Variants in RELN observed in about 807,000 individuals in gnomAD.
RELN encodes reelin.
Under a neutral mutation model 427.6 loss-of-function variants are expected in RELN, and 108 were observed. That is an observed-to-expected ratio of 0.25 (90% CI 0.22 to 0.30). The LOEUF (loss-of-function observed/expected upper bound fraction) is 0.30. RELN is among the 10% of genes least tolerant of loss of function. RELN has a pLI of 1.00. For synonymous variants in RELN, 1,524 were observed against 1,513.4 expected, an observed-to-expected ratio of 1.01 and a Z score of -0.16; for missense variants, 3,715 against 4,302.8, an observed-to-expected ratio of 0.86 and a Z score of 3.82.
At chr7:103,685,252 C>A (rs1562956215) in intron 10 of RELN, among the ~76,000 whole-genome samples, 1 of 152,106 alleles carries the variant, frequency 6.6e-6, no homozygotes, top group Non-Finnish European at 1.5e-5. Context: ...TAATACCCAG[C>A]TATTTTTGTT....
intron 22 of RELN, among the ~76,000 whole-genome samples, chr7:103,604,985 A>G (rs1383766041): frequency 6.6e-6 from 1 of 152,094 alleles, no homozygotes. Context: ...ACACACCAAC[A>G]TGCCTGGCTA....
chr7:103,746,432 T>C (rs1367244351), intron 6 of RELN, among the ~76,000 whole-genome samples: 2 of 151,862 alleles, frequency 1.3e-5, no homozygotes, highest in East Asian at 3.9e-4. Flanking sequence ...CTAATTAAAC[T>C]AAAGAGCTTC....
intron 40 of RELN, 89 bp from the exon 41 acceptor site, chr7:103,551,385 T>G (rs1830407880): frequency 3.3e-6 from 3 of 919,712 alleles, no homozygotes; most frequent in Non-Finnish European, 5.2e-6. Context: ...TAGGGTCCAT[T>G]TTCCTGGGAA....
chr7:103,955,729 C>T (rs4727580), intron 1 of RELN, among the ~76,000 whole-genome samples: 84,596 of 152,040 alleles, frequency 0.56, 24,119 homozygotes, highest in African/African-American at 0.69. Context: ...TTTCTCTCCA[C>T]GAACCCAGAC....
intron 1 of RELN, among the ~76,000 whole-genome samples, chr7:103,920,363 A>G (rs910878608): frequency 2.6e-5 from 4 of 152,192 alleles, no homozygotes; most frequent in African/African-American, 9.7e-5. Flanking sequence ...ATATGTGTCT[A>G]ACTGATATCT....
At chr7:103,630,851 G>GTTTTTTTT (rs869145881) in intron 19 of RELN, among the ~76,000 whole-genome samples, 2 of 20,548 alleles carry the variant, frequency 9.7e-5, no homozygotes, top group Non-Finnish European at 2.2e-4. Flanking sequence ...TTATTTTTTT[G>GTTTTTTTT]TTTTTTTTGT....
chr7:103,483,671 A>G lies in RELN; in HGVS notation c.10163T>C (p.Val3388Ala). ...QPKDFTQAQR[V>A]SYNVPLEARM... ...CACTTACAGGGGGACATTGTAAGAC[A>G]CTCTCTGAGCTTGTGTGAAGTCCTT... The change falls in exon 62 of 65, where the codon GTG (valine) becomes GCG (alanine). Residue 3388 changes from valine (V) to alanine (A), a missense_variant. Physicochemically the swap from Val to Ala is moderately conservative, Grantham distance 64. Coordinates refer to ENST00000428762, the MANE Select transcript of RELN (RefSeq NM_005045.4). 6.2e-7 allele frequency: 1 copy of G among 1,614,012 alleles called. No individual in the cohort carries two copies. The highest frequency in any genetic ancestry group is 8.5e-7 in the Non-Finnish European group (1 of 1,179,998).
intron 1 of RELN, among the ~76,000 whole-genome samples, chr7:103,979,074 G>A (rs769751229): frequency 1.3e-5 from 2 of 152,186 alleles, no homozygotes; most frequent in Non-Finnish European, 2.9e-5. Flanking sequence ...AGTCGTTAAA[G>A]TCCAATGAGG....
Position 103,626,516 on chromosome 7 carries a change from A to G in RELN, c.2702+3424T>C, listed in dbSNP as rs968227299. 6.6e-6 allele frequency among the ~76,000 whole-genome samples: 1 copy of G among 152,140 alleles called. No homozygotes were observed. The highest frequency in any genetic ancestry group is 1.5e-5 in the Non-Finnish European group (1 of 67,952). On this transcript the variant is annotated intron_variant, in intron 20 of 64. Coordinates refer to ENST00000428762, the MANE Select transcript of RELN (RefSeq NM_005045.4). The surrounding 1 kb of genome is among the most constrained non-coding windows in gnomAD (Gnocchi z 4.4). ...CAGGCATGTGTCACCACGCTCGGCT[A>G]GTTTGTGTATTTTCAGTAGAGATGG...
rs1832194014 is a variant in RELN at position 103,620,528 on chromosome 7, C to G, written c.2703-8725G>C. Among the ~76,000 whole-genome samples the G allele has an allele frequency of 6.7e-6, 1 of 149,270 alleles. No individual in the cohort carries two copies. Among genetic ancestry groups the G allele is most frequent in the African/African-American group, 2.5e-5 (1 of 40,350 alleles). The stretch of plus-strand genomic sequence containing the variant: ...TCGTCTGTCGCCCAGGCTGGAGTAA[C>G]AGTGGCACGATCTTGGCTCACTGCA... On this transcript the variant is annotated intron_variant, in intron 20 of 64. Transcript: ENST00000428762. The surrounding 1 kb of genome is among the most constrained non-coding windows in gnomAD (Gnocchi z 4.1).
intron 1 of RELN, among the ~76,000 whole-genome samples, chr7:103,943,373 G>T (rs1796154619): frequency 6.6e-6 from 1 of 152,120 alleles, no homozygotes; most frequent in African/African-American, 2.4e-5. Context: ...GCTTTGTGCA[G>T]GAGATTTAAT....
chr7:103,674,734 A>G (rs1833475537), intron 11 of RELN, among the ~76,000 whole-genome samples: 1 of 152,216 alleles, frequency 6.6e-6, no homozygotes, highest in African/African-American at 2.4e-5. Flanking sequence ...GGTTCAACAC[A>G]TGCAAATCAA....
At chr7:103,489,204 GT>G in intron 60 of RELN, among the ~76,000 whole-genome samples, 1 of 56,954 alleles carries the variant, frequency 1.8e-5, no homozygotes, top group Admixed American at 1.5e-4. Context: ...TCATAAAGGG[GT>G]GTGTGTGTGT....
intron 2 of RELN, among the ~76,000 whole-genome samples, chr7:103,854,533 C>T (rs752530199): frequency 2.0e-5 from 3 of 152,100 alleles, no homozygotes; most frequent in Non-Finnish European, 4.4e-5. Context: ...GCTTTAGAGA[C>T]TTCATCAGGT....
At chr7:103,806,966 C>G (rs935997955) in intron 3 of RELN, among the ~76,000 whole-genome samples, 1 of 152,092 alleles carries the variant, frequency 6.6e-6, no homozygotes, top group Admixed American at 6.6e-5. Flanking sequence ...CCCTTCAAGT[C>G]AATGGCTTTA....
chr7:103,945,247 T>C (rs1280870964), intron 1 of RELN, among the ~76,000 whole-genome samples: 2 of 152,094 alleles, frequency 1.3e-5, no homozygotes, highest in Non-Finnish European at 2.9e-5. Context: ...AAAATTCACC[T>C]AACCCAACCC....
chr7:103,762,315 T>C (rs1433309874), intron 4 of RELN, among the ~76,000 whole-genome samples: 1 of 152,250 alleles, frequency 6.6e-6, no homozygotes, highest in Non-Finnish European at 1.5e-5. Context: ...ATCTTCAAAC[T>C]GGTTTATGAC....
intron 61 of RELN, among the ~76,000 whole-genome samples, chr7:103,484,790 A>G (rs573290688): frequency 6.6e-6 from 1 of 152,324 alleles, no homozygotes; most frequent in South Asian, 2.1e-4. Context: ...CATGGAATAC[A>G]ACCACAATAT....
intron 46 of RELN, among the ~76,000 whole-genome samples, chr7:103,527,909 C>G (rs2711863): frequency 0.73 from 111,132 of 152,086 alleles, 40,851 homozygotes; most frequent in Middle Eastern, 0.78. Flanking sequence ...TGGCAACAGT[C>G]AAAAAGACAA....
Sources: gnomAD v4.1 joint callset for allele counts (sites outside exome capture counted in the v4.1 genomes callset) on GRCh38, gnomAD v4.1.1 for gene constraint, Gnocchi (gnomAD v3.1) non-coding constraint, MANE v1.5 for transcripts, NCBI Gene and HGNC (gene_info 2026-07-23, HGNC 2026-07-21) for gene names.